FAM227B: variants seen among roughly 807,000 people sequenced by gnomAD.
The protein encoded by FAM227B is protein FAM227B.
FAM227B carries 88 observed loss-of-function variants against 73.8 expected under a neutral mutation model. That is an observed-to-expected ratio of 1.19 (90% CI 1.00 to 1.42). The LOEUF is 1.42. FAM227B is among the 40% of genes most tolerant of loss of function. The pLI is 0.00. For synonymous variants in FAM227B, 210 were observed against 190.5 expected, an observed-to-expected ratio of 1.10 and a Z score of -0.84; for missense variants, 632 against 590.9, an observed-to-expected ratio of 1.07 and a Z score of -0.72.
intron 13 of FAM227B, among the ~76,000 whole-genome samples, chr15:49,348,038 A>T (rs941427749): frequency 6.6e-6 from 1 of 151,862 alleles, no homozygotes; most frequent in Non-Finnish European, 1.5e-5. Context: ...AAAAAAAAAA[A>T]AAAAGGCTAA....
At chr15:49,569,873 T>C (rs1365373885) in intron 8 of FAM227B, among the ~76,000 whole-genome samples, 2 of 152,040 alleles carry the variant, frequency 1.3e-5, no homozygotes, top group African/African-American at 4.8e-5. Flanking sequence ...GATCATGTGA[T>C]GTTTGTCTTT....
chr15:49,476,756 T>C (rs1326541474), intron 11 of FAM227B, among the ~76,000 whole-genome samples: 1 of 152,070 alleles, frequency 6.6e-6, no homozygotes. Flanking sequence ...CTTTTAGATT[T>C]ACAAAAAAAA....
intron 13 of FAM227B, among the ~76,000 whole-genome samples, chr15:49,336,214 C>T (rs1422352736): frequency 1.3e-5 from 2 of 152,234 alleles, no homozygotes; most frequent in South Asian, 2.1e-4. Context: ...CTTCTGCCAT[C>T]TTCCCAGAAG....
intron 10 of FAM227B, among the ~76,000 whole-genome samples, chr15:49,527,759 A>G (rs1413452793): frequency 6.6e-6 from 1 of 151,798 alleles, no homozygotes; most frequent in Non-Finnish European, 1.5e-5. Context: ...CAACAGACAT[A>G]TACACAAAAA....
At chr15:49,604,684 T>C (rs2077401186) in intron 3 of FAM227B, among the ~76,000 whole-genome samples, 1 of 152,044 alleles carries the variant, frequency 6.6e-6, no homozygotes, top group African/African-American at 2.4e-5. Flanking sequence ...CTATTATGTA[T>C]ATATGTTTCA....
intron 11 of FAM227B, among the ~76,000 whole-genome samples, chr15:49,472,378 G>C (rs1225537185): frequency 6.6e-6 from 1 of 152,120 alleles, no homozygotes; most frequent in African/African-American, 2.4e-5. Context: ...GGAATAAAGT[G>C]ATTAAAAGTG....
intron 11 of FAM227B, among the ~76,000 whole-genome samples, chr15:49,496,284 C>A (rs1224703799): frequency 6.6e-6 from 1 of 151,898 alleles, no homozygotes; most frequent in Non-Finnish European, 1.5e-5. Context: ...TTATTGCTTG[C>A]GGTTTAAGCT....
At chr15:49,602,648 G>C (rs1442817497) in intron 3 of FAM227B, among the ~76,000 whole-genome samples, 1 of 152,102 alleles carries the variant, frequency 6.6e-6, no homozygotes, top group Non-Finnish European at 1.5e-5. Context: ...TTTTTAGCTT[G>C]ATGTGATCCC....
chr15:49,582,222 T>C (rs558112589), intron 5 of FAM227B, among the ~76,000 whole-genome samples: 3 of 152,288 alleles, frequency 2.0e-5, no homozygotes, highest in African/African-American at 7.2e-5. Context: ...ACTAGTACGC[T>C]ATCTTCAAGA....
At chr15:49,538,171 T>C (rs891595237) in intron 10 of FAM227B, among the ~76,000 whole-genome samples, 11 of 152,322 alleles carry the variant, frequency 7.2e-5, no homozygotes, top group Admixed American at 4.6e-4. Flanking sequence ...AGTTTGATTA[T>C]GCGGTTGACA....
chr15:49,474,718 A>G (rs1025258793), intron 11 of FAM227B, among the ~76,000 whole-genome samples: 2 of 152,158 alleles, frequency 1.3e-5, no homozygotes, highest in African/African-American at 4.8e-5. Flanking sequence ...GCTGCGGGTG[A>G]GCAAGCATTC....
At chr15:49,361,746 C>G (rs1411132380) in intron 13 of FAM227B, among the ~76,000 whole-genome samples, 2 of 151,916 alleles carry the variant, frequency 1.3e-5, no homozygotes, top group Non-Finnish European at 2.9e-5. Context: ...ATTTATATTC[C>G]TTTGGGTATA....
At chr15:49,611,771 C>T (rs1230310016) in intron 2 of FAM227B, among the ~76,000 whole-genome samples, 1 of 152,170 alleles carries the variant, frequency 6.6e-6, no homozygotes, top group Non-Finnish European at 1.5e-5. Context: ...CAACATTACA[C>T]AAACTAATTT....
At chr15:49,420,830 C>T (rs527327954) in intron 11 of FAM227B, among the ~76,000 whole-genome samples, 2 of 152,230 alleles carry the variant, frequency 1.3e-5, no homozygotes, top group Non-Finnish European at 1.5e-5. Flanking sequence ...CTCAGCCTCC[C>T]GAGTAGCTGG....
At position 49,343,159 on chromosome 15, in the gene FAM227B, A is replaced by C. The variant is rs80078194; in HGVS notation, c.1272-7663T>G. ...CTTTTTCTCCTCTCTCAGGAATGCC[A>C]ATAATTTATAGGTTTGGTCACTTTA... On this transcript the variant is annotated intron_variant, in intron 13 of 15. Coordinates refer to ENST00000299338, the MANE Select transcript of FAM227B (RefSeq NM_152647.3). 2.8e-3 allele frequency among the ~76,000 whole-genome samples: 426 copies of C among 152,242 alleles called. 19 individuals carry two copies. The East Asian group carries it at 0.077, about 28-fold the overall frequency.
chr15:49,454,595 CTTTA>C (rs892853325), intron 11 of FAM227B, among the ~76,000 whole-genome samples: 4 of 152,012 alleles, frequency 2.6e-5, no homozygotes, highest in African/African-American at 7.2e-5. Context: ...TAATTATACT[CTTTA>C]TTTATTTTAT....
At chr15:49,514,926 T>C (rs559771441) in intron 10 of FAM227B, among the ~76,000 whole-genome samples, 44 of 152,232 alleles carry the variant, frequency 2.9e-4, no homozygotes, top group South Asian at 6.2e-4. Context: ...CAGTTAATTT[T>C]TGCATAGGTT....
chr15:49,518,806 CT>C (rs1372617499), intron 10 of FAM227B, among the ~76,000 whole-genome samples: 1 of 152,146 alleles, frequency 6.6e-6, no homozygotes, highest in Admixed American at 6.6e-5. Context: ...TGCCTGGCCC[CT>C]CCCAAAACTC....
chr15:49,412,498 C>A (rs1244316918), intron 11 of FAM227B, among the ~76,000 whole-genome samples: 1 of 151,720 alleles, frequency 6.6e-6, no homozygotes, highest in Admixed American at 6.6e-5. Context: ...CACTGTTATT[C>A]TTAAAATTTT....
Sources: gnomAD v4.1 joint callset for allele counts (sites outside exome capture counted in the v4.1 genomes callset) on GRCh38, gnomAD v4.1.1 for gene constraint, MANE v1.5 for transcripts, NCBI Gene and HGNC (gene_info 2026-07-23, HGNC 2026-07-21) for gene names.